Variants in CCAR1 observed in about 807,000 individuals in gnomAD.
CCAR1 encodes cell division cycle and apoptosis regulator protein 1.
A neutral mutation model predicts 163.8 loss-of-function variants in CCAR1; 78 were observed. That is an observed-to-expected ratio of 0.48 (90% CI 0.40 to 0.57). The LOEUF is 0.57. CCAR1 is among the 20% of genes least tolerant of loss of function. The probability of loss-of-function intolerance (pLI) is 0.00; values close to 1 mark genes in which losing one functional copy is unlikely to be tolerated. For missense variants in CCAR1, 1,019 were observed against 1,365.2 expected, an observed-to-expected ratio of 0.75 and a Z score of 4.00; for synonymous variants, 443 against 460.7, an observed-to-expected ratio of 0.96 and a Z score of 0.49.
chr10:68,726,558 A>G lies in CCAR1; in HGVS notation c.73+3981A>G, dbSNP rs549690026. On this transcript the variant is annotated intron_variant, in intron 2 of 24. Coordinates refer to ENST00000265872, the MANE Select transcript of CCAR1 (RefSeq NM_018237.4). ...ATCTCTGGCTTGGTGGTGATACTCT[A>G]TCTTTAGTATTATTATTTTAAATTC... is the stretch of plus-strand genomic sequence containing the variant. Among the ~76,000 whole-genome samples, 156 of 152,224 alleles carry G rather than the reference A, an allele frequency of 1.0e-3. 1 individual carries two copies. The highest frequency in any genetic ancestry group is 3.7e-3 in the African/African-American group (152 of 41,546).
chr10:68,755,354 C>A lies in CCAR1; in HGVS notation c.1459-16C>A. The A allele has an allele frequency of 6.2e-7, 1 of 1,603,596 alleles. No individual in the cohort carries two copies. The highest frequency in any genetic ancestry group is 8.5e-7 in the Non-Finnish European group (1 of 1,173,102). The stretch of plus-strand genomic sequence containing the variant: ...GGGTGCGTAATATATGTAAATGATT[C>A]TTTGTTTTGAATTAGTTTTTAGTGG... On this transcript the variant is annotated splice_polypyrimidine_tract_variant and intron_variant, in intron 12 of 24. Transcript: ENST00000265872.
intron 1 of CCAR1, among the ~76,000 whole-genome samples, chr10:68,722,216 TC>T (rs1484047320): frequency 6.6e-6 from 1 of 152,214 alleles, no homozygotes; most frequent in East Asian, 1.9e-4. Context: ...GAGTGCTTTT[TC>T]TGAGTCTCCC....
At chr10:68,773,175 A>C in intron 19 of CCAR1, 76 bp downstream of exon 19, 1 of 744,004 alleles carries the variant, frequency 1.3e-6, no homozygotes. Context: ...ATTCACTGAA[A>C]TCTATACTTT....
At chr10:68,728,407 C>CA (rs2055980729) in intron 2 of CCAR1, among the ~76,000 whole-genome samples, 1 of 150,914 alleles carries the variant, frequency 6.6e-6, no homozygotes, top group Non-Finnish European at 1.5e-5. Context: ...GACAGGGTCT[C>CA]ACTTTGTTGC....
intron 19 of CCAR1, among the ~76,000 whole-genome samples, chr10:68,776,464 G>T (rs180891702): frequency 4.1e-4 from 62 of 152,208 alleles, no homozygotes; most frequent in South Asian, 2.1e-3. Flanking sequence ...TACTTGGGAG[G>T]CTGAGGCAGG....
intron 19 of CCAR1, among the ~76,000 whole-genome samples, chr10:68,784,504 T>C (rs2056773424): frequency 6.6e-6 from 1 of 152,082 alleles, no homozygotes; most frequent in Non-Finnish European, 1.5e-5. Flanking sequence ...TGACCCACCA[T>C]GTTCGGCGAT....
intron 4 of CCAR1, among the ~76,000 whole-genome samples, chr10:68,740,331 T>G (rs2056166581): frequency 6.6e-6 from 1 of 152,198 alleles, no homozygotes; most frequent in Non-Finnish European, 1.5e-5. Flanking sequence ...GAAACAGTTG[T>G]AGGAAACTTT....
chr10:68,741,943 A>G (rs1012900848), intron 5 of CCAR1, among the ~76,000 whole-genome samples: 10 of 152,224 alleles, frequency 6.6e-5, no homozygotes, highest in Admixed American at 5.9e-4. Flanking sequence ...CCTATTTTCA[A>G]TAATCAACAA....
At position 68,755,517 on chromosome 10, in the gene CCAR1, C is replaced by T. The variant is rs746141665; in HGVS notation, c.1606C>T (p.Leu536=). Residue 536 remains leucine, a synonymous_variant, in exon 13 of 25, where the codon CTA becomes TTA. Transcript: ENST00000265872. Reference sequence around the variant, plus strand: ...TTGTAAGGCTCTGACAGGCATTGATCTAAGTGTGTGCACACAATGGTAAGT... The same window carrying T: ...TTGTAAGGCTCTGACAGGCATTGATTTAAGTGTGTGCACACAATGGTAAGT... ...RCCKALTGID[L]SVCTQWYRFA... 24 of 1,613,670 alleles carry T rather than the reference C, an allele frequency of 1.5e-5. No individual in the cohort carries two copies. The African/African-American group carries it at 2.9e-4, about 20-fold the overall frequency.
At chr10:68,762,837 TAAAA>T (rs1442108400) in intron 16 of CCAR1, among the ~76,000 whole-genome samples, 2 of 152,090 alleles carry the variant, frequency 1.3e-5, no homozygotes, top group Non-Finnish European at 2.9e-5. Flanking sequence ...TAATGAAAGA[TAAAA>T]GAAAGAAGTG....
rs781725539 is a variant in CCAR1 at position 68,771,196 on chromosome 10, C to A, written c.2299-10C>A. 1.3e-5 allele frequency: 21 copies of A among 1,574,152 alleles called. No homozygotes were observed. The highest frequency in any genetic ancestry group is 1.6e-5 in the Non-Finnish European group (19 of 1,166,884). ...AATTTGGCTAGGTTCATGTTGATAT[C>A]TTTTTATAGGTTTCATTGTTTGCGG... On this transcript the variant is annotated splice_polypyrimidine_tract_variant and intron_variant, in intron 17 of 24. Coordinates refer to ENST00000265872, the MANE Select transcript of CCAR1 (RefSeq NM_018237.4).
At chr10:68,748,446 C>G (rs2056286812) in intron 8 of CCAR1, among the ~76,000 whole-genome samples, 1 of 150,570 alleles carries the variant, frequency 6.6e-6, no homozygotes, top group Admixed American at 6.6e-5. Flanking sequence ...TTACAGAAGC[C>G]TACTTAATTA....
intron 4 of CCAR1, among the ~76,000 whole-genome samples, chr10:68,738,108 G>T (rs573584657): frequency 1.2e-4 from 19 of 152,212 alleles, no homozygotes; most frequent in Middle Eastern, 3.4e-3. Flanking sequence ...AGTCTTTGTC[G>T]CATGTTTCTA....
intron 6 of CCAR1, among the ~76,000 whole-genome samples, chr10:68,746,931 G>A (rs1423107934): frequency 6.6e-6 from 1 of 151,844 alleles, no homozygotes; most frequent in African/African-American, 2.4e-5. Context: ...TAGGGTACAT[G>A]TGCACAATGT....
At chr10:68,782,207 A>G (rs547641367) in intron 19 of CCAR1, among the ~76,000 whole-genome samples, 3 of 152,330 alleles carry the variant, frequency 2.0e-5, no homozygotes, top group African/African-American at 7.2e-5. Context: ...AAAGGCTAAG[A>G]AAGATGAAGA....
Position 68,737,825 on chromosome 10 carries a change from A to T in CCAR1, c.247-20A>T, listed in dbSNP as rs201300175. 52 of 1,522,054 alleles carry T rather than the reference A, an allele frequency of 3.4e-5. No homozygotes were observed. The highest frequency in any genetic ancestry group is 2.1e-4 in the African/African-American group (15 of 71,808). The allele number at this position is 1,522,054 out of a possible 1,614,324, so 94.3% of individuals were successfully genotyped here. On this transcript the variant is annotated intron_variant, in intron 3 of 24. Transcript: ENST00000265872. Reference sequence around the variant, plus strand: ...TAGTGTCTGTATTTTTCTTTGAAAAATTTTTTTTTAATCTTTCAGCAATAT... The same window carrying T: ...TAGTGTCTGTATTTTTCTTTGAAAATTTTTTTTTTAATCTTTCAGCAATAT...
At chr10:68,723,160 C>T (rs964181329) in intron 2 of CCAR1, among the ~76,000 whole-genome samples, 4 of 150,180 alleles carry the variant, frequency 2.7e-5, no homozygotes, top group South Asian at 2.1e-4. Flanking sequence ...CTTGCTCTGT[C>T]GCCCAGGCTG....
chr10:68,751,405 A>G (rs2056328683), intron 10 of CCAR1, among the ~76,000 whole-genome samples: 1 of 152,176 alleles, frequency 6.6e-6, no homozygotes, highest in African/African-American at 2.4e-5. Flanking sequence ...TAGTCTGCAT[A>G]TTTCCGAGAA....
chr10:68,742,153 G>A (rs3740593), intron 5 of CCAR1, among the ~76,000 whole-genome samples: 15,093 of 152,162 alleles, frequency 0.099, 933 homozygotes, highest in South Asian at 0.16. Context: ...TATTATGCCA[G>A]TATGGATATT....
Sources: allele counts gnomAD v4.1 joint callset (sites outside exome capture counted in the v4.1 genomes callset), GRCh38; gene constraint gnomAD v4.1.1; transcripts MANE v1.5; gene names NCBI Gene and HGNC (gene_info 2026-07-23, HGNC 2026-07-21).